The following RFT1 variants were observed in gnomAD, a reference collection of about 807,000 sequenced individuals.
The protein encoded by RFT1 is RFT1 glycolipid translocator homolog.
A neutral mutation model predicts 62.2 loss-of-function variants in RFT1; 43 were observed. The ratio of observed to expected loss-of-function variants is 0.69; its 90% CI spans 0.54 to 0.89. The LOEUF is 0.89. Ranked by LOEUF, RFT1 falls within the 40% of genes least tolerant of loss-of-function variation. The pLI, the probability that RFT1 is intolerant of heterozygous loss-of-function variation, is 0.00. For synonymous variants in RFT1, 262 were observed against 264.6 expected (o/e 0.99, Z 0.10); for missense variants, 605 against 649.9 (o/e 0.93, Z 0.75).
intron 7 of RFT1, among the ~76,000 whole-genome samples, chr3:53,110,323 C>T (rs1701610300): frequency 6.6e-6 from 1 of 152,170 alleles, no homozygotes; most frequent in Non-Finnish European, 1.5e-5. Flanking sequence ...GCTTTTCTTA[C>T]CCCATTCACA....
intron 6 of RFT1, among the ~76,000 whole-genome samples, chr3:53,115,540 G>A (rs971121547): frequency 6.6e-6 from 1 of 151,978 alleles, no homozygotes; most frequent in African/African-American, 2.4e-5. Flanking sequence ...ATAACTTCCC[G>A]CCACCTTTTC....
At chr3:53,105,601 G>T in intron 9 of RFT1, 72 bp downstream of exon 9, 15 of 1,530,918 alleles carry the variant, frequency 9.8e-6, no homozygotes, top group Non-Finnish European at 1.2e-5. Flanking sequence ...GAAACAGACT[G>T]CTTCACACTC....
At chr3:53,083,737 T>A (rs1700803272), downstream of RFT1, among the ~76,000 whole-genome samples, 1 of 152,210 alleles carries the variant, frequency 6.6e-6, no homozygotes, top group African/African-American at 2.4e-5. Context: ...GAGCTCCACA[T>A]GGTTTCCATC....
the RFT1 span, among the ~76,000 whole-genome samples, chr3:53,081,426 G>A: frequency 2.0e-5 from 3 of 152,170 alleles, no homozygotes; most frequent in Admixed American, 2.0e-4. Flanking sequence ...CACGGGGATT[G>A]GAAGAGGAAA....
rs554732067 is a variant in RFT1, at chr3:53,125,996, T to C, written c.64-2A>G. The C allele has an allele frequency of 2.5e-6, 4 of 1,610,534 alleles. No homozygotes were observed. The highest frequency in any genetic ancestry group is 3.4e-6 in the Non-Finnish European group (4 of 1,177,212). On this transcript the variant is annotated splice_acceptor_variant, in intron 1 of 12. Transcript: ENST00000296292. LOFTEE classifies it high-confidence loss of function. ...AAAGGTGATCAACCGAAACAACACC[T>C]ATAGAAAAAGAGGAAAAATACGTAA... is the stretch of plus-strand genomic sequence containing the variant.
At chr3:53,107,949 G>T (rs4282053) in intron 7 of RFT1, among the ~76,000 whole-genome samples, 3 of 152,152 alleles carry the variant, frequency 2.0e-5, no homozygotes, top group Non-Finnish European at 1.5e-5. Context: ...CTGTGTTTGT[G>T]GTAGGGACCA....
chr3:53,072,276 T>C, the RFT1 span, among the ~76,000 whole-genome samples: 3 of 152,248 alleles, frequency 2.0e-5, no homozygotes, highest in African/African-American at 4.8e-5. Flanking sequence ...AGCATCATCC[T>C]GCCCGGGCGG....
At chr3:53,096,218 T>C (rs1701133820) in intron 11 of RFT1, among the ~76,000 whole-genome samples, 2 of 152,350 alleles carry the variant, frequency 1.3e-5, no homozygotes, top group South Asian at 4.1e-4. Flanking sequence ...GTCTTATTCA[T>C]TGCTGTATTC....
chr3:53,088,277 A>G (rs1405959426), downstream of RFT1, among the ~76,000 whole-genome samples: 1 of 152,220 alleles, frequency 6.6e-6, no homozygotes, highest in Non-Finnish European at 1.5e-5. Flanking sequence ...CAGGCCTTTC[A>G]GTCCCAGACA....
intron 10 of RFT1, chr3:53,103,523 C>A: frequency 4.8e-6 from 1 of 207,066 alleles, no homozygotes; most frequent in South Asian, 8.0e-5. Flanking sequence ...TTGGGTTATC[C>A]TTCAGAGGCT....
At chr3:53,108,826 G>C (rs867841846) in intron 7 of RFT1, among the ~76,000 whole-genome samples, 12 of 151,572 alleles carry the variant, frequency 7.9e-5, no homozygotes, top group Middle Eastern at 6.8e-3. Context: ...CTGCCACCAC[G>C]CCCAGCTAAT....
At chr3:53,082,861 T>C in the RFT1 span, among the ~76,000 whole-genome samples, 1 of 152,066 alleles carries the variant, frequency 6.6e-6, no homozygotes, top group African/African-American at 2.4e-5. Context: ...GTTTAGAAGA[T>C]GAAATACACA....
downstream of RFT1, among the ~76,000 whole-genome samples, chr3:53,084,361 G>A (rs908603434): frequency 7.2e-5 from 11 of 152,210 alleles, no homozygotes; most frequent in Admixed American, 1.3e-4. Context: ...TAGATGAGCC[G>A]GGAACAAAAC....
Position 53,130,383 on chromosome 3 carries a change from C to T in RFT1, c.18G>A (p.Val6=). The stretch of plus-strand genomic sequence containing the variant: ...AGGCCAGCCGGGCCGCGTGGCCCAG[C>T]ACCTCCTGGCTGCCCATAGCCTCCG... MGSQE[V]LGHAARLASS... The change falls in exon 1 of 13, where the codon GTG becomes GTA. Residue 6 remains valine (V), a synonymous_variant. Transcript: ENST00000296292. The T allele has an allele frequency of 1.2e-5, 18 of 1,558,800 alleles. No homozygotes were observed. The highest frequency in any genetic ancestry group is 1.6e-5 in the Non-Finnish European group (18 of 1,151,634).
At chr3:53,079,423 T>C in the RFT1 span, among the ~76,000 whole-genome samples, 1 of 152,162 alleles carries the variant, frequency 6.6e-6, no homozygotes, top group Non-Finnish European at 1.5e-5. Context: ...AAACTCCACC[T>C]TATCAATAGT....
chr3:53,122,627 G>T (rs1702003286), intron 3 of RFT1, 64 bp from the exon 4 acceptor site: 2 of 1,089,538 alleles, frequency 1.8e-6, no homozygotes, highest in Non-Finnish European at 2.5e-6. Context: ...TATTAAAATA[G>T]TAACACTGAA....
chr3:53,126,091 G>A, intron 1 of RFT1, 97 bp from the exon 2 acceptor site: 2 of 967,428 alleles, frequency 2.1e-6, no homozygotes, highest in Non-Finnish European at 3.2e-6. Context: ...CTAATGTGAT[G>A]TAATGACATA....
intron 10 of RFT1, chr3:53,103,109 A>G: frequency 1.0e-6 from 1 of 985,448 alleles, no homozygotes; most frequent in Non-Finnish European, 1.2e-6. Flanking sequence ...TTGCTCTGGT[A>G]TAGAAACCTG....
At position 53,119,858 on chromosome 3, in the gene RFT1, A is replaced by G. The variant is rs143396076; in HGVS notation, c.696+26T>C. ...ATAAGCAGCACCTATGATTAAAATG[A>G]TAAGAGATAAAAATGTATTACTTAC... On this transcript the variant is annotated intron_variant, in intron 6 of 12. Transcript: ENST00000296292. 10 of 1,577,880 alleles carry G rather than the reference A, an allele frequency of 6.3e-6. No individual in the cohort carries two copies. The African/African-American group carries it at 9.5e-5, about 15-fold the overall frequency.
Sources: gnomAD v4.1 joint callset for allele counts (sites outside exome capture counted in the v4.1 genomes callset) on GRCh38, gnomAD v4.1.1 for gene constraint, MANE v1.5 for transcripts, NCBI Gene and HGNC (gene_info 2026-07-23, HGNC 2026-07-21) for gene names.